Variants in PREP observed in about 807,000 individuals in gnomAD.
PREP encodes the protein prolyl endopeptidase.
In PREP, 29 loss-of-function variants were observed where a neutral mutation model predicts 87.6. The ratio of observed to expected loss-of-function variants is 0.33; its 90% CI spans 0.25 to 0.45. PREP has a LOEUF of 0.45. Among genes scored for constraint, PREP ranks in the 20% least tolerant of loss-of-function variants. The pLI is 1.00. For missense variants in PREP, 695 were observed against 886.5 expected (o/e 0.78, Z 2.74); for synonymous variants, 337 against 328.6 (o/e 1.03, Z -0.28).
intron 5 of PREP, among the ~76,000 whole-genome samples, chr6:105,370,868 G>T (rs1233570137): frequency 6.6e-6 from 1 of 152,160 alleles, no homozygotes; most frequent in Non-Finnish European, 1.5e-5. Flanking sequence ...ATTGGGGTGA[G>T]AAAGGAATGA....
chr6:105,402,218 C>G (rs946249249), intron 1 of PREP, among the ~76,000 whole-genome samples: 1 of 152,182 alleles, frequency 6.6e-6, no homozygotes, highest in Non-Finnish European at 1.5e-5. Context: ...CATGGATCAG[C>G]ACGGCCACAC....
At position 105,322,497 on chromosome 6, in the gene PREP, G is replaced by A. The variant is rs1046665365; in HGVS notation, c.1317+1168C>T. 30 of 985,376 alleles carry A rather than the reference G, an allele frequency of 3.0e-5. No individual in the cohort carries two copies. The African/African-American group carries it at 3.1e-4, about 10-fold the overall frequency. The allele number at this position is 985,376 out of a possible 1,614,324, so 61.0% of individuals were successfully genotyped here. ...GCTTCTTGACCCTGTATGTCTTCTC[G>A]GCCCTGTATGTCTATCAAGAATGTT... On this transcript the variant is annotated intron_variant, in intron 10 of 14. Transcript: ENST00000652536.
intron 7 of PREP, among the ~76,000 whole-genome samples, chr6:105,347,188 C>A (rs1352633274): frequency 1.3e-5 from 2 of 152,122 alleles, no homozygotes; most frequent in African/African-American, 4.8e-5. Context: ...AGAAAGAAAA[C>A]AGAAGAGAGA....
intron 6 of PREP, among the ~76,000 whole-genome samples, chr6:105,368,062 G>A (rs188637709): frequency 2.6e-5 from 4 of 152,312 alleles, no homozygotes; most frequent in African/African-American, 4.8e-5. Flanking sequence ...GTCCCCCAAC[G>A]AAGCAGACAG....
At chr6:105,363,944 G>T (rs1772316158) in intron 6 of PREP, among the ~76,000 whole-genome samples, 1 of 152,138 alleles carries the variant, frequency 6.6e-6, no homozygotes, top group Non-Finnish European at 1.5e-5. Context: ...TCTGAAAAAA[G>T]GATGGCATAA....
chr6:105,293,293 C>G (rs1296264236), intron 10 of PREP, among the ~76,000 whole-genome samples: 2 of 152,058 alleles, frequency 1.3e-5, no homozygotes, highest in Non-Finnish European at 1.5e-5. Flanking sequence ...GTTAATCGCC[C>G]TAATTGAGAC....
rs1269002509 is a variant in PREP, at chr6:105,373,560, T to C, written c.404A>G (p.Asp135Gly). 6.2e-7 allele frequency: 1 copy of C among 1,614,148 alleles called. No homozygotes were observed. The highest frequency in any genetic ancestry group is 2.2e-5 in the East Asian group (1 of 44,886). ...VALRGYAFSE[D>G]GEYFAYGLSA... The stretch of plus-strand genomic sequence containing the variant: ...CAGACCATAGGCAAAATATTCACCA[T>C]CTTCGCTGAACGCATAACCTATGGG... Residue 135 changes from aspartate to glycine, a missense_variant, in exon 5 of 15, where the codon GAT (aspartate) becomes GGT (glycine). Asp to Gly is a moderately conservative substitution (Grantham distance 94, BLOSUM62 -1). Transcript: ENST00000652536.
chr6:105,313,692 A>G (rs1056074130), intron 10 of PREP, among the ~76,000 whole-genome samples: 11 of 152,194 alleles, frequency 7.2e-5, no homozygotes, highest in African/African-American at 2.7e-4. Context: ...GTGGCCATCC[A>G]GACTCACCGC....
At chr6:105,287,875 G>A (rs563839324) in intron 11 of PREP, among the ~76,000 whole-genome samples, 2 of 152,306 alleles carry the variant, frequency 1.3e-5, no homozygotes, top group East Asian at 3.9e-4. Context: ...GCAAATAACA[G>A]AGAAGATATT....
At chr6:105,280,506 G>A (rs1477149033) in intron 14 of PREP, 3 of 152,172 alleles carry the variant, frequency 2.0e-5, no homozygotes, top group Non-Finnish European at 4.4e-5. Flanking sequence ...AGGATACAAT[G>A]GAAGTTGTGT....
chr6:105,316,802 T>C (rs1319919909), intron 10 of PREP, among the ~76,000 whole-genome samples: 1 of 152,162 alleles, frequency 6.6e-6, no homozygotes, highest in African/African-American at 2.4e-5. Flanking sequence ...AATATAAATT[T>C]GTGGTCCCTC....
chr6:105,343,472 G>A (rs1234110901), intron 7 of PREP, among the ~76,000 whole-genome samples: 6 of 152,130 alleles, frequency 3.9e-5, no homozygotes, highest in Admixed American at 3.9e-4. Context: ...CATGGGCAAG[G>A]ACTTCATGAC....
intron 10 of PREP, among the ~76,000 whole-genome samples, chr6:105,302,234 T>C (rs1562192297): frequency 6.6e-6 from 1 of 152,206 alleles, no homozygotes; most frequent in Non-Finnish European, 1.5e-5. Flanking sequence ...CCCTGTAACA[T>C]GGCTCACTGC....
chr6:105,401,037 A>G (rs1773416483), intron 1 of PREP, among the ~76,000 whole-genome samples: 1 of 152,254 alleles, frequency 6.6e-6, no homozygotes, highest in South Asian at 2.1e-4. Context: ...GGCCAGAGCT[A>G]CATTCCCTTG....
At chr6:105,347,744 G>A (rs1771835527) in intron 7 of PREP, among the ~76,000 whole-genome samples, 1 of 152,104 alleles carries the variant, frequency 6.6e-6, no homozygotes, top group African/African-American at 2.4e-5. Context: ...CAGACACAGT[G>A]GCTCACACCT....
At chr6:105,316,794 T>A (rs1174327603) in intron 10 of PREP, among the ~76,000 whole-genome samples, 2 of 152,114 alleles carry the variant, frequency 1.3e-5, no homozygotes, top group Non-Finnish European at 2.9e-5. Flanking sequence ...ATCATAAAAA[T>A]ATAAATTTGT....
chr6:105,386,023 G>C (rs955364800), intron 2 of PREP, among the ~76,000 whole-genome samples: 1 of 152,196 alleles, frequency 6.6e-6, no homozygotes, highest in South Asian at 2.1e-4. Flanking sequence ...GGGAGGCTGA[G>C]GCAGGAGAAT....
intron 7 of PREP, among the ~76,000 whole-genome samples, chr6:105,338,282 T>C (rs543943786): frequency 6.6e-6 from 1 of 152,324 alleles, no homozygotes; most frequent in East Asian, 1.9e-4. Context: ...CAGTGATATT[T>C]GTTATGACCC....
rs1203841262 is a variant in PREP at position 105,402,847 on chromosome 6, G to T, written c.45C>A (p.Ala15=). The change falls in exon 1 of 15, where the codon GCC becomes GCA. Residue 15 remains alanine, a splice_region_variant and synonymous_variant. Coordinates refer to ENST00000652536, the MANE Select transcript of PREP (RefSeq NM_002726.5). ...QYPDVYRDET[A]VQDYHGHKIC... is the part of the protein sequence containing the mutation. ...TCTGGGCGGAGGCAGAGATACTTACGGCGGTCTCGTCGCGGTACACGTCGG... is the reference window on the plus strand; with the variant it reads ...TCTGGGCGGAGGCAGAGATACTTACTGCGGTCTCGTCGCGGTACACGTCGG... The T allele has an allele frequency of 6.5e-7, 1 of 1,544,868 alleles. No individual in the cohort carries two copies. The highest frequency in any genetic ancestry group is 8.7e-7 in the Non-Finnish European group (1 of 1,143,668).
Sources: gnomAD v4.1 joint callset for allele counts (sites outside exome capture counted in the v4.1 genomes callset) on GRCh38, gnomAD v4.1.1 for gene constraint, MANE v1.5 for transcripts, NCBI Gene and HGNC (gene_info 2026-07-23, HGNC 2026-07-21) for gene names.